Variants in TMEM117 observed in about 807,000 individuals in gnomAD.
TMEM117 encodes the protein transmembrane protein 117.
TMEM117 carries 27 observed loss-of-function variants against 52.4 expected under a neutral mutation model. That is an observed-to-expected ratio of 0.51 (90% CI 0.38 to 0.71). The LOEUF (loss-of-function observed/expected upper bound fraction) is 0.71, where lower values mean the gene tolerates loss of function less well. TMEM117 is among the 30% of genes least tolerant of loss of function. The pLI, the probability that TMEM117 is intolerant of heterozygous loss-of-function variation, is 0.00. For missense variants in TMEM117, 556 were observed against 630.5 expected, an observed-to-expected ratio of 0.88 and a Z score of 1.26; for synonymous variants, 215 against 206.3, an observed-to-expected ratio of 1.04 and a Z score of -0.36.
the TMEM117 span, among the ~76,000 whole-genome samples, chr12:43,798,015 A>G: frequency 6.6e-6 from 1 of 152,150 alleles, no homozygotes; most frequent in Non-Finnish European, 1.5e-5. Context: ...TGCATGACAC[A>G]TCTTTACGAC....
intron 3 of TMEM117, among the ~76,000 whole-genome samples, chr12:44,085,035 T>G (rs543008442): frequency 5.3e-5 from 8 of 152,210 alleles, no homozygotes; most frequent in Non-Finnish European, 7.4e-5. Flanking sequence ...GAAGTTTTCA[T>G]TAAATGTTAC....
At chr12:44,017,326 CTTTT>C (rs79007657) in intron 3 of TMEM117, among the ~76,000 whole-genome samples, 7 of 97,122 alleles carry the variant, frequency 7.2e-5, no homozygotes, top group African/African-American at 2.1e-4. Context: ...TCTTTCTTTC[CTTTT>C]TTTTTTTTTT....
At chr12:44,223,018 C>CTT (rs58604256) in intron 5 of TMEM117, among the ~76,000 whole-genome samples, 3 of 139,040 alleles carry the variant, frequency 2.2e-5, no homozygotes, top group Non-Finnish European at 3.2e-5. Flanking sequence ...AAAACTTTTC[C>CTT]TTTTTTTTTT....
chr12:44,186,674 C>G (rs967967780), intron 4 of TMEM117, among the ~76,000 whole-genome samples: 1 of 152,056 alleles, frequency 6.6e-6, no homozygotes, highest in East Asian at 1.9e-4. Flanking sequence ...CATGGTATAT[C>G]CTGGAAGACT....
intron 2 of TMEM117, among the ~76,000 whole-genome samples, chr12:43,896,093 A>T (rs1944196388): frequency 6.6e-6 from 1 of 152,234 alleles, no homozygotes; most frequent in African/African-American, 2.4e-5. Flanking sequence ...AGACACACCC[A>T]AGAACAATAC....
intron 5 of TMEM117, among the ~76,000 whole-genome samples, chr12:44,296,384 C>T (rs1313340682): frequency 6.6e-6 from 1 of 152,144 alleles, no homozygotes; most frequent in Non-Finnish European, 1.5e-5. Context: ...TTTTAGGTCT[C>T]TCTCCAGGGT....
At chr12:43,839,385 A>T (rs371017388) in intron 1 of TMEM117, among the ~76,000 whole-genome samples, 2 of 152,008 alleles carry the variant, frequency 1.3e-5, no homozygotes, top group South Asian at 4.2e-4. Flanking sequence ...AATCTCTTTC[A>T]TACTCCCCTG....
chr12:43,807,433 C>G, the TMEM117 span, among the ~76,000 whole-genome samples: 717 of 152,242 alleles, frequency 4.7e-3, 7 homozygotes, highest in African/African-American at 0.016. Flanking sequence ...TAAACTAAAT[C>G]TGAGTTTTAT....
At position 43,996,620 on chromosome 12, in the gene TMEM117, G is replaced by A. The variant is rs186502701; in HGVS notation, c.410+52278G>A. Among the ~76,000 whole-genome samples the A allele has an allele frequency of 1.4e-3, 206 of 150,570 alleles. 1 individual carries two copies. In the Middle Eastern group the frequency reaches 0.027, roughly 20 times the overall value. ...ATCACGCCACTGCACTCCAGCCTGGGCCACAGAGCAAGACTCCATCTCAAT... is the reference window on the plus strand; with the variant it reads ...ATCACGCCACTGCACTCCAGCCTGGACCACAGAGCAAGACTCCATCTCAAT... On this transcript the variant is annotated intron_variant, in intron 3 of 7. Transcript: ENST00000266534.
At position 44,389,466 on chromosome 12, in the gene TMEM117, C is replaced by G. The variant is rs1201745451; in HGVS notation, c.*794C>G. On this transcript the variant is annotated 3_prime_UTR_variant, in exon 8 of 8. Transcript: ENST00000266534. ...ACTCTCAAATTTATTGGCATTTACA[C>G]AAAGTCCCAGACAACCAAGGAACTG... 1 of 152,526 alleles carries G rather than the reference C, an allele frequency of 6.6e-6. No individual in the cohort carries two copies. The highest frequency in any genetic ancestry group is 1.5e-5 in the Non-Finnish European group (1 of 67,986). The allele number at this position is 152,526 out of a possible 1,614,324, so 9.4% of individuals were successfully genotyped here. A position where few individuals can be genotyped will look rare whatever the true frequency, so the allele number is the denominator to read the frequency against.
chr12:44,208,396 T>C (rs1565593170), intron 4 of TMEM117, among the ~76,000 whole-genome samples: 1 of 152,124 alleles, frequency 6.6e-6, no homozygotes, highest in Non-Finnish European at 1.5e-5. Flanking sequence ...AGATTTGCAA[T>C]TTCAAATTCT....
At chr12:43,925,079 G>T (rs1000409747) in intron 2 of TMEM117, among the ~76,000 whole-genome samples, 1 of 152,088 alleles carries the variant, frequency 6.6e-6, no homozygotes, top group East Asian at 1.9e-4. Flanking sequence ...TCCTCGTGCC[G>T]TAATAGTTGA....
intron 6 of TMEM117, among the ~76,000 whole-genome samples, chr12:44,360,024 A>G (rs1185824240): frequency 6.6e-6 from 1 of 152,182 alleles, no homozygotes; most frequent in East Asian, 1.9e-4. Context: ...CTGTTTTTTA[A>G]AAGTAGATTT....
intron 6 of TMEM117, among the ~76,000 whole-genome samples, chr12:44,342,871 T>C (rs1209741803): frequency 6.6e-6 from 1 of 152,068 alleles, no homozygotes; most frequent in Non-Finnish European, 1.5e-5. Flanking sequence ...TGGTTTGTTT[T>C]TGTTTTTGTT....
chr12:44,140,459 C>T (rs1948555485), intron 3 of TMEM117, among the ~76,000 whole-genome samples: 1 of 152,020 alleles, frequency 6.6e-6, no homozygotes, highest in Non-Finnish European at 1.5e-5. Context: ...ACTGGAGAAT[C>T]AACAGTAGAC....
rs533499552 is a variant in TMEM117, at chr12:44,295,907, G to T, written c.609-3673G>T. Among the ~76,000 whole-genome samples, 4 of 152,160 alleles carry T rather than the reference G, an allele frequency of 2.6e-5. No homozygotes were observed. In the South Asian group the frequency reaches 8.3e-4, roughly 32 times the overall value. The stretch of plus-strand genomic sequence containing the variant: ...ATGTTTATCTAATTCTTTATTGTCT[G>T]TGTAGCTTTGCCTTTGTGTCTGCAT... On this transcript the variant is annotated intron_variant, in intron 5 of 7. Coordinates refer to ENST00000266534, the MANE Select transcript of TMEM117 (RefSeq NM_032256.3).
At chr12:44,065,596 T>G (rs1375486596) in intron 3 of TMEM117, among the ~76,000 whole-genome samples, 3 of 152,230 alleles carry the variant, frequency 2.0e-5, no homozygotes, top group Non-Finnish European at 4.4e-5. Flanking sequence ...ATTTTTTATT[T>G]GGCAAAATCA....
rs576746151 is a variant in TMEM117 at position 44,362,910 on chromosome 12, C to T, written c.769-13685C>T. On this transcript the variant is annotated intron_variant, in intron 6 of 7. Coordinates refer to ENST00000266534, the MANE Select transcript of TMEM117 (RefSeq NM_032256.3). ...CTCTGTTACCCAGGCTGGAGTGCAG[C>T]GGTGCGATCTCGGCTCACTACAACC... 3.7e-3 allele frequency among the ~76,000 whole-genome samples: 558 copies of T among 151,152 alleles called. 3 individuals are homozygous for T. Among genetic ancestry groups the T allele is most frequent in the African/African-American group, 0.013 (523 of 41,152 alleles).
At chr12:43,902,049 G>A (rs1191465135) in intron 2 of TMEM117, among the ~76,000 whole-genome samples, 2 of 152,178 alleles carry the variant, frequency 1.3e-5, no homozygotes, top group Non-Finnish European at 1.5e-5. Context: ...TTATAAATCT[G>A]TGAAAATACG....
Sources: allele counts gnomAD v4.1 joint callset (sites outside exome capture counted in the v4.1 genomes callset), GRCh38; gene constraint gnomAD v4.1.1; transcripts MANE v1.5; gene names NCBI Gene and HGNC (gene_info 2026-07-23, HGNC 2026-07-21).